Variants in TRPM3 observed in about 807,000 individuals in gnomAD.
TRPM3 encodes the protein long transient receptor potential channel 3.
In TRPM3, 77 loss-of-function variants were observed where a neutral mutation model predicts 181.2. The ratio of observed to expected loss-of-function variants is 0.42; its 90% CI spans 0.35 to 0.51. The LOEUF is 0.51. TRPM3 is among the 20% of genes least tolerant of loss of function. The pLI is 0.01. For missense variants in TRPM3, 1,759 were observed against 2,196.7 expected (o/e 0.80, Z 3.98); for synonymous variants, 745 against 796.4 (o/e 0.94, Z 1.09).
chr9:71,096,590 A>ACACACACACACACACT (rs1452142664), intron 1 of TRPM3, among the ~76,000 whole-genome samples: 1 of 89,998 alleles, frequency 1.1e-5, no homozygotes, highest in African/African-American at 5.2e-5. Flanking sequence ...ACACACACAC[A>ACACACACACACACACT]CTCTCTCTCT....
At chr9:70,794,204 C>A (rs896661527) in intron 6 of TRPM3, among the ~76,000 whole-genome samples, 6 of 151,962 alleles carry the variant, frequency 3.9e-5, no homozygotes, top group African/African-American at 1.5e-4. Context: ...AACTCATGAT[C>A]GTGTGGGAAG....
chr9:71,245,310 G>A (rs1301411753), intron 1 of TRPM3, among the ~76,000 whole-genome samples: 2 of 151,910 alleles, frequency 1.3e-5, no homozygotes, highest in Non-Finnish European at 2.9e-5. Context: ...CGGGTGTGGT[G>A]GCATGCACCT....
intron 12 of TRPM3, among the ~76,000 whole-genome samples, chr9:70,630,304 A>T (rs1252008485): frequency 1.3e-5 from 2 of 152,218 alleles, no homozygotes; most frequent in African/African-American, 4.8e-5. Context: ...ATCCAACTGT[A>T]TGACCACTAC....
intron 1 of TRPM3, among the ~76,000 whole-genome samples, chr9:70,872,883 C>G (rs1035163100): frequency 6.6e-6 from 1 of 151,810 alleles, no homozygotes; most frequent in African/African-American, 2.4e-5. Context: ...ACCAGCATTT[C>G]CTAAAGAAGG....
chr9:71,357,174 C>A (rs113712931), intron 1 of TRPM3, among the ~76,000 whole-genome samples: 3,597 of 152,230 alleles, frequency 0.024, 117 homozygotes, highest in African/African-American at 0.076. Context: ...CATACTGCTT[C>A]AAAGTTATGT....
intron 1 of TRPM3, among the ~76,000 whole-genome samples, chr9:71,155,766 A>T (rs915025989): frequency 6.6e-6 from 1 of 152,162 alleles, no homozygotes; most frequent in African/African-American, 2.4e-5. Flanking sequence ...AAAATAACAC[A>T]ATTCCATAAA....
intron 1 of TRPM3, among the ~76,000 whole-genome samples, chr9:71,208,183 C>T (rs528946204): frequency 6.6e-6 from 1 of 152,212 alleles, no homozygotes; most frequent in Admixed American, 6.6e-5. Flanking sequence ...TTTACCTATT[C>T]ATCTGTATTT....
chr9:70,550,037 G>A (rs1001032466), intron 24 of TRPM3, among the ~76,000 whole-genome samples: 1 of 152,158 alleles, frequency 6.6e-6, no homozygotes, highest in Non-Finnish European at 1.5e-5. Flanking sequence ...GTGGCAGAGA[G>A]ACATTGTTGA....
chr9:71,295,403 G>C (rs776960409), intron 1 of TRPM3, among the ~76,000 whole-genome samples: 2 of 150,616 alleles, frequency 1.3e-5, no homozygotes, highest in Non-Finnish European at 3.0e-5. Flanking sequence ...TATGATAAAA[G>C]ATTTGTTTTA....
intron 1 of TRPM3, among the ~76,000 whole-genome samples, chr9:71,172,038 A>G (rs1357286616): frequency 6.6e-6 from 1 of 152,092 alleles, no homozygotes; most frequent in African/African-American, 2.4e-5. Flanking sequence ...AGCTGGGACC[A>G]CAGATGCACA....
intron 1 of TRPM3, among the ~76,000 whole-genome samples, chr9:71,426,194 CAACA>C (rs1242968186): frequency 1.3e-5 from 2 of 151,976 alleles, no homozygotes; most frequent in Non-Finnish European, 2.9e-5. Context: ...TATAGGCAAT[CAACA>C]AACATTTAAA....
At chr9:71,272,625 CAT>C (rs1168237737) in intron 1 of TRPM3, among the ~76,000 whole-genome samples, 1 of 152,086 alleles carries the variant, frequency 6.6e-6, no homozygotes, top group Non-Finnish European at 1.5e-5. Flanking sequence ...CATACCTGTA[CAT>C]AGTTTATTTC....
At chr9:71,131,372 T>C (rs1279133162) in intron 1 of TRPM3, among the ~76,000 whole-genome samples, 1 of 152,232 alleles carries the variant, frequency 6.6e-6, no homozygotes, top group Non-Finnish European at 1.5e-5. Context: ...ATTCTTCCTG[T>C]ACTTTTCAGA....
At chr9:70,550,144 T>C (rs1207807231) in intron 24 of TRPM3, among the ~76,000 whole-genome samples, 1 of 152,204 alleles carries the variant, frequency 6.6e-6, no homozygotes, top group East Asian at 1.9e-4. Context: ...CAGTTTCCCT[T>C]GAAGCTAGCA....
At chr9:71,046,609 C>A (rs1247451136) in intron 1 of TRPM3, among the ~76,000 whole-genome samples, 1 of 152,152 alleles carries the variant, frequency 6.6e-6, no homozygotes, top group African/African-American at 2.4e-5. Context: ...TCCTCCCCGA[C>A]CTATCACCCA....
At chr9:70,626,618 T>C (rs1477637843) in intron 12 of TRPM3, among the ~76,000 whole-genome samples, 2 of 152,212 alleles carry the variant, frequency 1.3e-5, no homozygotes, top group Non-Finnish European at 2.9e-5. Context: ...CTGTGGCCTT[T>C]CCTAGCTCCT....
intron 25 of TRPM3, among the ~76,000 whole-genome samples, chr9:70,543,491 C>T (rs2044034964): frequency 6.6e-6 from 1 of 151,956 alleles, no homozygotes; most frequent in Admixed American, 6.6e-5. Context: ...CTCTCCAATC[C>T]CCGACTACCC....
intron 22 of TRPM3, among the ~76,000 whole-genome samples, chr9:70,561,355 C>T (rs776412386): frequency 3.3e-5 from 5 of 152,164 alleles, no homozygotes; most frequent in Non-Finnish European, 7.3e-5. Context: ...CCTGACACAA[C>T]GTTTTCCTTG....
chr9:71,368,379 C>T (rs1372675413), intron 1 of TRPM3, among the ~76,000 whole-genome samples: 1 of 152,134 alleles, frequency 6.6e-6, no homozygotes, highest in Non-Finnish European at 1.5e-5. Flanking sequence ...CCTGAATTTC[C>T]ATGTGAATCG....
Sources: allele counts gnomAD v4.1 joint callset (sites outside exome capture counted in the v4.1 genomes callset), GRCh38; gene constraint gnomAD v4.1.1; transcripts MANE v1.5; gene names NCBI Gene and HGNC (gene_info 2026-07-23, HGNC 2026-07-21).